The following NUP133 variants were observed in gnomAD, a reference collection of about 807,000 sequenced individuals.
The protein encoded by NUP133 is nuclear pore complex protein Nup133.
A neutral mutation model predicts 146.2 loss-of-function variants in NUP133; 66 were observed. The ratio of observed to expected loss-of-function variants is 0.45; its 90% CI spans 0.37 to 0.55. NUP133 has a LOEUF of 0.55. Among genes scored for constraint, NUP133 ranks in the 20% least tolerant of loss-of-function variants. NUP133 has a pLI of 0.00. For missense variants in NUP133, 1,277 were observed against 1,374.8 expected, an observed-to-expected ratio of 0.93 and a Z score of 1.12; for synonymous variants, 521 against 498.8, an observed-to-expected ratio of 1.04 and a Z score of -0.59.
At chr1:229,471,967 A>G (rs1660966231) in intron 14 of NUP133, among the ~76,000 whole-genome samples, 1 of 152,204 alleles carries the variant, frequency 6.6e-6, no homozygotes, top group Non-Finnish European at 1.5e-5. Context: ...TTATTTTAAA[A>G]TAAGAGTTAC....
intron 23 of NUP133, among the ~76,000 whole-genome samples, chr1:229,449,568 A>T (rs1235886462): frequency 6.6e-6 from 1 of 151,686 alleles, no homozygotes; most frequent in Non-Finnish European, 1.5e-5. Context: ...ACAGGGTTTC[A>T]GCATGTTGGC....
chr1:229,483,466 C>A (rs1006199750), intron 12 of NUP133, among the ~76,000 whole-genome samples: 1 of 151,928 alleles, frequency 6.6e-6, no homozygotes, highest in African/African-American at 2.4e-5. Context: ...CGCCTGTAAT[C>A]CCAGCACTTT....
At chr1:229,442,222 T>C (rs1041601710) in intron 25 of NUP133, among the ~76,000 whole-genome samples, 182 bp from the exon 26 acceptor site, 1 of 152,258 alleles carries the variant, frequency 6.6e-6, no homozygotes, top group South Asian at 2.1e-4. Flanking sequence ...AACAATGTGA[T>C]ATCCTTTACA....
chr1:229,502,616 G>A (rs367704559), intron 2 of NUP133, among the ~76,000 whole-genome samples: 6 of 150,020 alleles, frequency 4.0e-5, no homozygotes, highest in African/African-American at 4.9e-5. Flanking sequence ...GGCAAAAAGT[G>A]TATTTGGGAC....
In NUP133 at chr1:229,441,715, C is replaced by G. The variant is rs1256716521; in HGVS notation, c.*189G>C. On this transcript the variant is annotated 3_prime_UTR_variant, in exon 26 of 26. Coordinates refer to ENST00000261396, the MANE Select transcript of NUP133 (RefSeq NM_018230.3). ...ACTGACACATTTCAGGTGGAAAAAACAAGTCACATAACTGAAAACCAAAAT... is the reference window on the plus strand; with the variant it reads ...ACTGACACATTTCAGGTGGAAAAAAGAAGTCACATAACTGAAAACCAAAAT... 1 of 499,800 alleles carries G rather than the reference C, an allele frequency of 2.0e-6. No homozygotes were observed. Among genetic ancestry groups the G allele is most frequent in the South Asian group, 2.8e-5 (1 of 36,222 alleles). The allele number at this position is 499,800 out of a possible 1,614,324, so 31.0% of individuals were successfully genotyped here. A position where few individuals can be genotyped will look rare whatever the true frequency, so the allele number is the denominator to read the frequency against.
chr1:229,484,819 T>C (rs1021251023), intron 11 of NUP133, among the ~76,000 whole-genome samples: 1 of 152,190 alleles, frequency 6.6e-6, no homozygotes, highest in Non-Finnish European at 1.5e-5. Context: ...TGTAATCGTA[T>C]TAATTACAAA....
At chr1:229,463,117 G>A (rs1037789515) in intron 19 of NUP133, among the ~76,000 whole-genome samples, 107 of 152,270 alleles carry the variant, frequency 7.0e-4, no homozygotes, top group African/African-American at 2.5e-3. Context: ...GTGGTCAGGC[G>A]ATGGCTCATG....
rs746331640 is a variant in NUP133, at chr1:229,452,625, C to T, written c.2999G>A (p.Arg1000His). 1.1e-5 allele frequency: 17 copies of T among 1,611,614 alleles called. No homozygotes were observed. The highest frequency in any genetic ancestry group is 4.0e-5 in the African/African-American group (3 of 74,830). Residue 1000 changes from arginine to histidine, a missense_variant, in exon 22 of 26, where the codon CGC becomes CAC. Physicochemically the swap from Arg to His is conservative, Grantham distance 29. Transcript: ENST00000261396. ...TAGGGTCTCCTGATGCAGTAGAAAGCGCTCCTGCTCAGCCATTTCTAGTAT... is the reference window on the plus strand; with the variant it reads ...TAGGGTCTCCTGATGCAGTAGAAAGTGCTCCTGCTCAGCCATTTCTAGTAT... ...EKIEEMAEQERFLLHQETLPE... is the reference protein window; with the variant it reads ...EKIEEMAEQEHFLLHQETLPE...
chr1:229,496,536 T>C (rs993388809), intron 6 of NUP133, among the ~76,000 whole-genome samples: 14 of 151,980 alleles, frequency 9.2e-5, no homozygotes, highest in Non-Finnish European at 1.8e-4. Context: ...AGGGCAAGGT[T>C]GGATCTATAG....
At position 229,465,508 on chromosome 1, in the gene NUP133, C is replaced by T; in HGVS notation, c.2211G>A (p.Gln737=). The T allele has an allele frequency of 6.2e-7, 1 of 1,613,316 alleles. No individual in the cohort carries two copies. The highest frequency in any genetic ancestry group is 8.5e-7 in the Non-Finnish European group (1 of 1,179,444). ...TATTTTGGCGATAATGACTAGCAGC[C>T]TGCAGCATATCCTGGAAAAAAAGTT... ...NVNNILKDML[Q]AASHYRQNRN... Residue 737 remains glutamine (Q), a synonymous_variant, in exon 17 of 26, where the codon CAG becomes CAA. Transcript: ENST00000261396.
chr1:229,500,705 G>A lies in NUP133; in HGVS notation c.513+51C>T, dbSNP rs1218230638. 2.9e-6 allele frequency: 3 copies of A among 1,051,402 alleles called. No individual in the cohort carries two copies. The African/African-American group carries it at 4.8e-5, about 17-fold the overall frequency. The allele number at this position is 1,051,402 out of a possible 1,614,324, so 65.1% of individuals were successfully genotyped here. On this transcript the variant is annotated intron_variant, in intron 4 of 25. Coordinates refer to ENST00000261396, the MANE Select transcript of NUP133 (RefSeq NM_018230.3). ...AAAGAGGATGATTCCTCTAACTTTAGGATGTCCTTGTTGTAAAAAGTTTAT... is the reference window on the plus strand; with the variant it reads ...AAAGAGGATGATTCCTCTAACTTTAAGATGTCCTTGTTGTAAAAAGTTTAT...
intron 16 of NUP133, among the ~76,000 whole-genome samples, chr1:229,466,231 G>A (rs1394261376): frequency 6.6e-6 from 1 of 152,130 alleles, no homozygotes; most frequent in Non-Finnish European, 1.5e-5. Flanking sequence ...AACACTCTTG[G>A]AGGTTGAGGC....
At chr1:229,467,896 G>C (rs1660860267) in intron 15 of NUP133, among the ~76,000 whole-genome samples, 1 of 148,508 alleles carries the variant, frequency 6.7e-6, no homozygotes, top group African/African-American at 2.5e-5. Context: ...CTGCACTCCA[G>C]CCTGGCGACA....
intron 21 of NUP133, among the ~76,000 whole-genome samples, chr1:229,454,743 T>G (rs758513488): frequency 6.6e-6 from 1 of 152,224 alleles, no homozygotes; most frequent in Non-Finnish European, 1.5e-5. Context: ...GTTAAAATGC[T>G]TTGATTAACA....
At chr1:229,483,198 A>T (rs1477752258) in intron 12 of NUP133, among the ~76,000 whole-genome samples, 1 of 152,172 alleles carries the variant, frequency 6.6e-6, no homozygotes, top group African/African-American at 2.4e-5. Flanking sequence ...TCCCGGGCTC[A>T]TATGATCCTC....
At chr1:229,461,584 C>T (rs1401104281) in intron 19 of NUP133, among the ~76,000 whole-genome samples, 5 of 152,058 alleles carry the variant, frequency 3.3e-5, no homozygotes. Context: ...AATTTCCATA[C>T]TATGGAGTTT....
chr1:229,494,263 C>T (rs558241902), intron 8 of NUP133, among the ~76,000 whole-genome samples: 26 of 152,306 alleles, frequency 1.7e-4, no homozygotes, highest in African/African-American at 6.3e-4. Flanking sequence ...AAAACGCTTA[C>T]AGAAATTAAA....
intron 2 of NUP133, among the ~76,000 whole-genome samples, chr1:229,503,035 AGGTG>A (rs1292874693): frequency 6.6e-6 from 1 of 152,086 alleles, no homozygotes; most frequent in African/African-American, 2.4e-5. Flanking sequence ...TGGGAGGCCG[AGGTG>A]GGTGGATCAT....
chr1:229,488,128 G>A (rs4925494), intron 9 of NUP133, among the ~76,000 whole-genome samples: 28,476 of 152,072 alleles, frequency 0.19, 2,876 homozygotes, highest in Middle Eastern at 0.27. Context: ...TTACAGGCGT[G>A]AGCCACCGCA....
Sources: allele counts gnomAD v4.1 joint callset (sites outside exome capture counted in the v4.1 genomes callset), GRCh38; gene constraint gnomAD v4.1.1; transcripts MANE v1.5; gene names NCBI Gene and HGNC (gene_info 2026-07-23, HGNC 2026-07-21).